Variants in NACC2 observed in about 807,000 individuals in gnomAD.
NACC2 encodes the protein nucleus accumbens-associated protein 2.
A neutral mutation model predicts 25.1 loss-of-function variants in NACC2; 8 were observed. The observed-to-expected ratio is 0.32, with a 90% confidence interval of 0.19 to 0.57. The LOEUF is 0.57. Among genes scored for constraint, NACC2 ranks in the 20% least tolerant of loss-of-function variants. The pLI, the probability that NACC2 is intolerant of heterozygous loss-of-function variation, is 0.89. For missense variants in NACC2, 644 were observed against 650.2 expected (o/e 0.99, Z 0.10); for synonymous variants, 435 against 294.7 (o/e 1.48, Z -4.88).
chr9:136,030,063 T>C (rs888532914), intron 2 of NACC2, among the ~76,000 whole-genome samples: 2 of 152,150 alleles, frequency 1.3e-5, no homozygotes, highest in Non-Finnish European at 2.9e-5. Context: ...TTAGTAGACA[T>C]GGAGTTTCAC....
rs1485835831 is a variant in NACC2, at chr9:136,091,149, GC to G, written c.-60+4039del. 2.6e-5 allele frequency among the ~76,000 whole-genome samples: 4 copies of G among 152,300 alleles called. No individual in the cohort carries two copies. In the East Asian group the frequency reaches 7.8e-4, roughly 30 times the overall value. On this transcript the variant is annotated intron_variant, in intron 1 of 5. Transcript: ENST00000277554. ...TGTTCTCCCGGGAGACTCCATGGCGGCCTCCTCTTAAAGGGTAGTGAGCCTT... is the reference window on the plus strand; with the variant it reads ...TGTTCTCCCGGGAGACTCCATGGCGGCTCCTCTTAAAGGGTAGTGAGCCTT...
intron 1 of NACC2, among the ~76,000 whole-genome samples, chr9:136,053,668 C>G (rs1211381784): frequency 6.6e-6 from 1 of 152,244 alleles, no homozygotes; most frequent in Non-Finnish European, 1.5e-5. Flanking sequence ...GGCCCCTAGA[C>G]AGCTCCCTTC....
rs1840068775 is a variant in NACC2, at chr9:136,009,270, G to A, written c.*2246C>T. 6.6e-6 allele frequency: 1 copy of A among 152,406 alleles called. No individual in the cohort carries two copies. Among genetic ancestry groups the A allele is most frequent in the African/African-American group, 2.4e-5 (1 of 41,478 alleles). 9.4% of individuals were successfully genotyped at this position (152,406 alleles called of 1,614,324 possible). On this transcript the variant is annotated 3_prime_UTR_variant, in exon 6 of 6. Transcript: ENST00000277554. ...GCGGCTTCCTCCCATCTCCGAGGAAGGCTTGGTCCAGGTTCCCAGCGGGCC... is the reference window on the plus strand; with the variant it reads ...GCGGCTTCCTCCCATCTCCGAGGAAAGCTTGGTCCAGGTTCCCAGCGGGCC...
At chr9:136,016,034 C>A (rs1171697137) in intron 3 of NACC2, among the ~76,000 whole-genome samples, 5 of 151,994 alleles carry the variant, frequency 3.3e-5, no homozygotes, top group Non-Finnish European at 7.4e-5. Context: ...TGATTGCAGC[C>A]CCTGCCAATC....
intron 2 of NACC2, among the ~76,000 whole-genome samples, chr9:136,036,480 T>C (rs1189514434): frequency 1.3e-5 from 2 of 152,104 alleles, no homozygotes; most frequent in Non-Finnish European, 2.9e-5. Flanking sequence ...TATATATACA[T>C]ACACACACAC....
In NACC2 at chr9:136,095,207, G is replaced by C. The variant is rs1371926706; in HGVS notation, c.-78C>G. 3 of 147,274 alleles carry C rather than the reference G, an allele frequency of 2.0e-5. No homozygotes were observed. The highest frequency in any genetic ancestry group is 7.3e-5 in the African/African-American group (3 of 40,942). The allele number at this position is 147,274 out of a possible 1,614,324, so 9.1% of individuals were successfully genotyped here. ...GCGGTACCTGCGGGCGCCCGGCCCG[G>C]TCCGGCCTGGGCAGCTGCGGCGCGC... On this transcript the variant is annotated 5_prime_UTR_variant, in exon 1 of 6. Transcript: ENST00000277554.
rs1830378663 is a variant in NACC2 at position 136,086,335 on chromosome 9, G to A, written c.-60+8854C>T. On this transcript the variant is annotated intron_variant, in intron 1 of 5. Transcript: ENST00000277554. The surrounding 1 kb of genome is among the most constrained non-coding windows in gnomAD (Gnocchi z 5.6). ...AGCTGGGAGGGGTTTGGGGGGTGGG[G>A]GTGCCTCTGTTTTCCTGCATCATCA... 6.6e-6 allele frequency among the ~76,000 whole-genome samples: 1 copy of A among 152,158 alleles called. No individual in the cohort carries two copies. Among genetic ancestry groups the A allele is most frequent in the Non-Finnish European group, 1.5e-5 (1 of 68,024 alleles).
At chr9:136,067,045 G>A (rs1841093078) in intron 1 of NACC2, among the ~76,000 whole-genome samples, 1 of 152,032 alleles carries the variant, frequency 6.6e-6, no homozygotes, top group Non-Finnish European at 1.5e-5. Flanking sequence ...GAGGTCGGGA[G>A]TTCGAGACCA....
chr9:136,061,384 C>A (rs530600580), intron 1 of NACC2, among the ~76,000 whole-genome samples: 1 of 152,224 alleles, frequency 6.6e-6, no homozygotes, highest in African/African-American at 2.4e-5. Context: ...TAGAGGGGTC[C>A]CCTCCCTCCA....
intron 1 of NACC2, 116 bp downstream of exon 1, chr9:136,095,073 G>T (rs1355127090): frequency 2.7e-5 from 4 of 146,224 alleles, no homozygotes; most frequent in Admixed American, 6.8e-5. Flanking sequence ...TGCGGCAGGG[G>T]GCTCGCGCCA....
intron 1 of NACC2, among the ~76,000 whole-genome samples, chr9:136,054,606 G>C (rs1840897889): frequency 6.6e-6 from 1 of 152,218 alleles, no homozygotes; most frequent in Admixed American, 6.5e-5. Context: ...AGGGACGTGA[G>C]CAGAGCTGTC....
intron 1 of NACC2, among the ~76,000 whole-genome samples, chr9:136,059,209 T>C (rs1374098567): frequency 6.6e-6 from 1 of 152,190 alleles, no homozygotes; most frequent in Admixed American, 6.5e-5. Context: ...AGCAGGGCCA[T>C]TCCCCGGGAC....
chr9:136,028,281 C>T (rs1840423661), intron 2 of NACC2, among the ~76,000 whole-genome samples: 1 of 151,844 alleles, frequency 6.6e-6, no homozygotes, highest in Non-Finnish European at 1.5e-5. Context: ...CAGAACAGGG[C>T]TGGCAAACTT....
chr9:136,056,143 C>G (rs1040226248), intron 1 of NACC2, among the ~76,000 whole-genome samples: 19 of 152,230 alleles, frequency 1.2e-4, no homozygotes, highest in African/African-American at 4.1e-4. Flanking sequence ...GGGGTAGAGG[C>G]TGCCCAGCTC....
rs925416993 is a variant in NACC2 at position 136,069,548 on chromosome 9, A to G, written c.-59-18968T>C. Among the ~76,000 whole-genome samples, 41 of 151,026 alleles carry G rather than the reference A, an allele frequency of 2.7e-4. 1 individual carries two copies. The highest frequency in any genetic ancestry group is 2.5e-5 in the African/African-American group (1 of 40,386). On this transcript the variant is annotated intron_variant, in intron 1 of 5. Transcript: ENST00000277554. Reference sequence around the variant, plus strand: ...TGGGTGAAAGAGTGAAACTCTGTCAAAAAACAAAACAAAACAAAACAAAAC... The same window carrying G: ...TGGGTGAAAGAGTGAAACTCTGTCAGAAAACAAAACAAAACAAAACAAAAC...
At position 136,041,801 on chromosome 9, in the gene NACC2, T is replaced by C. The variant is rs1470781995; in HGVS notation, c.886+7835A>G. Among the ~76,000 whole-genome samples, 6 of 152,318 alleles carry C rather than the reference T, an allele frequency of 3.9e-5. No individual in the cohort carries two copies. The East Asian group carries it at 7.7e-4, about 20-fold the overall frequency. On this transcript the variant is annotated intron_variant, in intron 2 of 5. Coordinates refer to ENST00000277554, the MANE Select transcript of NACC2 (RefSeq NM_144653.5). ...ATTACATCTATGAATGACATCCATA[T>C]ATTAAAAGCTGGGGGAAATTACAGT...
rs974196086 is a variant in NACC2, at chr9:136,076,704, G to T, written c.-60+18485C>A. Among the ~76,000 whole-genome samples, 9 of 152,122 alleles carry T rather than the reference G, an allele frequency of 5.9e-5. No homozygotes were observed. The East Asian group carries it at 1.7e-3, about 29-fold the overall frequency. ...GGTGAATTTCATGTTGTGTATATTT[G>T]ACTACAATTTTTAAAAAATGTATTG... is the stretch of plus-strand genomic sequence containing the variant. On this transcript the variant is annotated intron_variant, in intron 1 of 5. Coordinates refer to ENST00000277554, the MANE Select transcript of NACC2 (RefSeq NM_144653.5).
intron 5 of NACC2, among the ~76,000 whole-genome samples, chr9:136,012,364 C>T (rs1234361768): frequency 1.3e-5 from 2 of 152,260 alleles, no homozygotes; most frequent in African/African-American, 4.8e-5. Flanking sequence ...GAGGGTCCCC[C>T]TTTCGGGAAT....
chr9:136,066,580 T>C (rs117986720), intron 1 of NACC2, among the ~76,000 whole-genome samples: 184 of 152,314 alleles, frequency 1.2e-3, no homozygotes, highest in Non-Finnish European at 2.2e-3. Context: ...CAGTCTGGAA[T>C]TTCCTCAAAA....
Sources: gnomAD v4.1 joint callset for allele counts (sites outside exome capture counted in the v4.1 genomes callset) on GRCh38, gnomAD v4.1.1 for gene constraint, Gnocchi (gnomAD v3.1) non-coding constraint, MANE v1.5 for transcripts, NCBI Gene and HGNC (gene_info 2026-07-23, HGNC 2026-07-21) for gene names.